Variants in SSBP2 observed in about 807,000 individuals in gnomAD.
SSBP2 encodes single-stranded DNA-binding protein 2.
In SSBP2, 17 loss-of-function variants were observed where a neutral mutation model predicts 61.8. That is an observed-to-expected ratio of 0.28 (90% CI 0.19 to 0.41). The LOEUF (loss-of-function observed/expected upper bound fraction) is 0.41, where lower values mean the gene tolerates loss of function less well. SSBP2 is among the 10% of genes least tolerant of loss of function. The probability of loss-of-function intolerance (pLI) is 1.00; values close to 1 mark genes in which losing one functional copy is unlikely to be tolerated. For synonymous variants in SSBP2, 139 were observed against 141.3 expected (o/e 0.98, Z 0.12); for missense variants, 310 against 458.7 (o/e 0.68, Z 2.96).
At chr5:81,462,175 A>T (rs1764588951) in intron 9 of SSBP2, among the ~76,000 whole-genome samples, 1 of 152,306 alleles carries the variant, frequency 6.6e-6, no homozygotes, top group East Asian at 1.9e-4. Flanking sequence ...GCTAATAAAA[A>T]AAAAAGAATT....
chr5:81,725,521 A>T (rs371705), intron 1 of SSBP2, among the ~76,000 whole-genome samples: 53,295 of 151,914 alleles, frequency 0.35, 11,523 homozygotes, highest in Admixed American at 0.48. Context: ...CTGAAAAATC[A>T]AAGTTCTCCC....
chr5:81,514,332 T>C (rs1034421958), intron 4 of SSBP2, among the ~76,000 whole-genome samples: 3 of 151,866 alleles, frequency 2.0e-5, no homozygotes, highest in Non-Finnish European at 4.4e-5. Flanking sequence ...AATAGTCTCA[T>C]ACAAATTATG....
At chr5:81,549,892 G>A (rs1199204269) in intron 4 of SSBP2, among the ~76,000 whole-genome samples, 1 of 152,064 alleles carries the variant, frequency 6.6e-6, no homozygotes, top group Non-Finnish European at 1.5e-5. Flanking sequence ...TTTGAAGTAC[G>A]GTAAGTCACA....
intron 1 of SSBP2, among the ~76,000 whole-genome samples, chr5:81,656,468 T>C (rs1035380051): frequency 1.6e-4 from 25 of 152,184 alleles, no homozygotes; most frequent in Non-Finnish European, 3.2e-4. Context: ...TCAAGGCTAA[T>C]ATGTTTAATA....
At chr5:81,548,900 C>T (rs897684295) in intron 4 of SSBP2, among the ~76,000 whole-genome samples, 21 of 152,082 alleles carry the variant, frequency 1.4e-4, no homozygotes, top group African/African-American at 4.3e-4. Flanking sequence ...CCAGCCTGGG[C>T]GACAGAGCGA....
At chr5:81,578,731 G>A (rs1033593908) in intron 4 of SSBP2, among the ~76,000 whole-genome samples, 3 of 151,464 alleles carry the variant, frequency 2.0e-5, no homozygotes, top group Non-Finnish European at 4.4e-5. Flanking sequence ...AAAGTAGACT[G>A]ACAGCAAAAA....
intron 9 of SSBP2, among the ~76,000 whole-genome samples, chr5:81,466,191 C>G (rs781257846): frequency 6.6e-6 from 1 of 151,990 alleles, no homozygotes; most frequent in Non-Finnish European, 1.5e-5. Flanking sequence ...CATCATGAAA[C>G]TGATCCTCTT....
chr5:81,496,092 A>G (rs1037789007), intron 5 of SSBP2, among the ~76,000 whole-genome samples: 1 of 152,202 alleles, frequency 6.6e-6, no homozygotes. Context: ...ATTATACAGG[A>G]CTTATGTAAT....
At chr5:81,691,218 G>T (rs1256111052) in intron 1 of SSBP2, among the ~76,000 whole-genome samples, 1 of 151,732 alleles carries the variant, frequency 6.6e-6, no homozygotes, top group Non-Finnish European at 1.5e-5. Flanking sequence ...AAATAATAAA[G>T]ATCAAGCAGA....
At chr5:81,481,619 T>TAA (rs34578727) in intron 6 of SSBP2, among the ~76,000 whole-genome samples, 2,726 of 120,942 alleles carry the variant, frequency 0.023, 105 homozygotes, top group African/African-American at 0.075. Flanking sequence ...AAACTACATC[T>TAA]AAAAAAAAAA....
chr5:81,676,397 T>A (rs535603658), intron 1 of SSBP2, among the ~76,000 whole-genome samples: 9 of 152,250 alleles, frequency 5.9e-5, no homozygotes, highest in African/African-American at 1.9e-4. Context: ...GACCTTCATA[T>A]CTACAGGAGA....
chr5:81,535,061 G>C (rs974357950), intron 4 of SSBP2, among the ~76,000 whole-genome samples: 5 of 151,926 alleles, frequency 3.3e-5, no homozygotes, highest in African/African-American at 4.8e-5. Flanking sequence ...GTGATGATAA[G>C]TAATTACAGT....
intron 5 of SSBP2, among the ~76,000 whole-genome samples, chr5:81,510,368 C>T (rs1271930147): frequency 6.6e-6 from 1 of 152,162 alleles, no homozygotes; most frequent in Non-Finnish European, 1.5e-5. Flanking sequence ...CTTGAATTCC[C>T]TTATTTTGCA....
chr5:81,480,874 T>C (rs1765934165), intron 6 of SSBP2, among the ~76,000 whole-genome samples: 1 of 152,224 alleles, frequency 6.6e-6, no homozygotes, highest in South Asian at 2.1e-4. Flanking sequence ...TAAACTAAGT[T>C]TGTGTAAAAT....
intron 4 of SSBP2, among the ~76,000 whole-genome samples, chr5:81,606,186 A>G (rs1338932906): frequency 6.6e-6 from 1 of 152,166 alleles, no homozygotes; most frequent in African/African-American, 2.4e-5. Context: ...AAAACCTCAC[A>G]GGCACTGAGG....
intron 10 of SSBP2, among the ~76,000 whole-genome samples, chr5:81,449,637 T>A (rs779164424): frequency 1.3e-5 from 2 of 152,168 alleles, no homozygotes; most frequent in Non-Finnish European, 2.9e-5. Flanking sequence ...TCTATCCCAA[T>A]ACCTGCTATA....
chr5:81,732,601 T>C (rs971026215), intron 1 of SSBP2, among the ~76,000 whole-genome samples: 13 of 152,218 alleles, frequency 8.5e-5, no homozygotes, highest in Non-Finnish European at 1.9e-4. Context: ...CTTCCTTTTT[T>C]CACAGGCACA....
intron 1 of SSBP2, among the ~76,000 whole-genome samples, chr5:81,714,817 G>A (rs773318904): frequency 1.4e-4 from 21 of 152,108 alleles, no homozygotes; most frequent in Non-Finnish European, 3.1e-4. Context: ...TGGATAGATT[G>A]CAAAAATTTT....
chr5:81,647,474 C>T (rs989927849), intron 2 of SSBP2, among the ~76,000 whole-genome samples: 3 of 151,994 alleles, frequency 2.0e-5, no homozygotes, highest in African/African-American at 7.2e-5. Context: ...TTATTAAAAA[C>T]TTACAGCTCA....
Sources: gnomAD v4.1 joint callset for allele counts (sites outside exome capture counted in the v4.1 genomes callset) on GRCh38, gnomAD v4.1.1 for gene constraint, MANE v1.5 for transcripts, NCBI Gene and HGNC (gene_info 2026-07-23, HGNC 2026-07-21) for gene names.